Variants in LAMA1 observed in about 807,000 individuals in gnomAD.
LAMA1 encodes the protein laminin subunit alpha 1, also known as laminin subunit alpha-1.
In LAMA1, 219 loss-of-function variants were observed where a neutral mutation model predicts 348.7. The ratio of observed to expected loss-of-function variants is 0.63; its 90% CI spans 0.56 to 0.70. The LOEUF (loss-of-function observed/expected upper bound fraction) is 0.70, where lower values mean the gene tolerates loss of function less well. LAMA1 is among the 30% of genes least tolerant of loss of function. The pLI is 0.00. For missense variants in LAMA1, 3,744 were observed against 3,888.0 expected, an observed-to-expected ratio of 0.96 and a Z score of 0.99; for synonymous variants, 1,487 against 1,491.0, an observed-to-expected ratio of 1.00 and a Z score of 0.06.
At chr18:7,004,644 G>A (rs554291376) in intron 29 of LAMA1, among the ~76,000 whole-genome samples, 3 of 152,140 alleles carry the variant, frequency 2.0e-5, no homozygotes, top group Admixed American at 6.5e-5. Flanking sequence ...GAGCCACTGC[G>A]CCCGGCCCCA....
chr18:7,117,610 G>A (rs1185709647), intron 1 of LAMA1, 50 bp downstream of exon 1: 2 of 1,564,376 alleles, frequency 1.3e-6, no homozygotes, highest in Non-Finnish European at 1.7e-6. Context: ...GGCCGCCCCC[G>A]CCCGCCCGCC....
intron 50 of LAMA1, among the ~76,000 whole-genome samples, 176 bp downstream of exon 50, chr18:6,965,112 C>T (rs2057626601): frequency 1.3e-5 from 2 of 152,176 alleles, no homozygotes; most frequent in African/African-American, 4.8e-5. Context: ...AAGTATAACC[C>T]TCCTCCAGCA....
intron 29 of LAMA1, among the ~76,000 whole-genome samples, chr18:7,004,016 T>C (rs553187859): frequency 6.6e-6 from 1 of 152,270 alleles, no homozygotes; most frequent in African/African-American, 2.4e-5. Flanking sequence ...GAATAAATAT[T>C]AGATGATGAG....
At position 6,974,455 on chromosome 18, in the gene LAMA1, C is replaced by CTT. The variant is rs1213269695; in HGVS notation, c.6623+446_6623+447dup. On this transcript the variant is annotated intron_variant, in intron 46 of 62. Coordinates refer to ENST00000389658, the MANE Select transcript of LAMA1 (RefSeq NM_005559.4). ...CTTGTAACAAATGCTTATTTCTTTTCTTTTTTTTTTTTTTTTTTGAGATGG... is the reference window on the plus strand; with the variant it reads ...CTTGTAACAAATGCTTATTTCTTTTCTTTTTTTTTTTTTTTTTTTTGAGATGG... Among the ~76,000 whole-genome samples, 60 of 128,276 alleles carry CTT rather than the reference C, an allele frequency of 4.7e-4. 1 individual carries two copies. Among genetic ancestry groups the CTT allele is most frequent in the African/African-American group, 1.4e-3 (48 of 34,156 alleles). 84.2% of individuals were successfully genotyped at this position (128,276 alleles called of 152,430 possible).
At chr18:7,061,416 C>G (rs1323386343) in intron 3 of LAMA1, among the ~76,000 whole-genome samples, 1 of 152,188 alleles carries the variant, frequency 6.6e-6, no homozygotes, top group African/African-American at 2.4e-5. Context: ...ATCCACATGA[C>G]AGCCAAGTGC....
chr18:6,972,057 C>T (rs1366673020), intron 47 of LAMA1, 76 bp from the exon 48 acceptor site: 31 of 1,573,398 alleles, frequency 2.0e-5, no homozygotes, highest in Admixed American at 6.7e-5. Context: ...GTGCACAAAA[C>T]TTCTCTCTGG....
chr18:7,037,722 G>A lies in LAMA1; in HGVS notation c.1593C>T (p.Thr531=), dbSNP rs904222721. Residue 531 remains threonine, a synonymous_variant, in exon 12 of 63, where the codon ACC becomes ACT. Transcript: ENST00000389658. ...GGATCTTCCTGGGACTGATCAAGTC[G>A]GTGACCAGCCACCCGGACATACTGT... is the stretch of plus-strand genomic sequence containing the variant. ...QVNSMSGWLV[T]DLISPRKIPS... The A allele has an allele frequency of 1.2e-6, 2 of 1,614,098 alleles. No individual in the cohort carries two copies. Among genetic ancestry groups the A allele is most frequent in the Non-Finnish European group, 1.7e-6 (2 of 1,180,026 alleles).
At position 6,948,564 on chromosome 18, in the gene LAMA1, A is replaced by G. The variant is rs993124186; in HGVS notation, c.8557-8T>C. On this transcript the variant is annotated splice_polypyrimidine_tract_variant and splice_region_variant and intron_variant, in intron 59 of 62. Coordinates refer to ENST00000389658, the MANE Select transcript of LAMA1 (RefSeq NM_005559.4). ...AGGGATGCTGTGGGTGATCTAAGCC[A>G]AATGACATGCAAGAGTAGACAGTGG... The G allele has an allele frequency of 6.2e-7, 1 of 1,614,240 alleles. No homozygotes were observed. The highest frequency in any genetic ancestry group is 8.5e-7 in the Non-Finnish European group (1 of 1,180,048).
At chr18:7,082,089 T>A (rs144856335) in intron 1 of LAMA1, among the ~76,000 whole-genome samples, 1 of 152,098 alleles carries the variant, frequency 6.6e-6, no homozygotes, top group South Asian at 2.1e-4. Flanking sequence ...TTACCATGCA[T>A]CTATTAAAAA....
intron 1 of LAMA1, among the ~76,000 whole-genome samples, chr18:7,097,339 C>A (rs1280907961): frequency 6.6e-6 from 1 of 151,598 alleles, no homozygotes; most frequent in East Asian, 1.9e-4. Context: ...ATGTTATTCA[C>A]AGAAAACCTA....
intron 60 of LAMA1, among the ~76,000 whole-genome samples, chr18:6,947,630 C>T (rs1362015658): frequency 6.6e-6 from 1 of 152,142 alleles, no homozygotes; most frequent in African/African-American, 2.4e-5. Flanking sequence ...GGATTTGATC[C>T]CTGGAATCCC....
In LAMA1 at chr18:6,966,290, T is replaced by C; in HGVS notation, c.6907A>G (p.Asn2303Asp). 6.2e-7 allele frequency: 1 copy of C among 1,613,604 alleles called. No individual in the cohort carries two copies. The highest frequency in any genetic ancestry group is 8.5e-7 in the Non-Finnish European group (1 of 1,179,846). The change falls in exon 49 of 63, where the codon AAT (asparagine) becomes GAT (aspartate). Residue 2303 changes from asparagine (N) to aspartate (D), a missense_variant. Asn to Asp is a conservative substitution (Grantham distance 23). Transcript: ENST00000389658. The stretch of plus-strand genomic sequence containing the variant: ...TCAAAATGGAAGGAAGGGTCTTCAT[T>C]CTGGGAGCTGCAAAGCAGAAGAGAT... ...KCRGCFGSSQ[N>D]EDPSFHFDGS... is the part of the protein sequence containing the mutation.
intron 41 of LAMA1, 38 bp from the exon 42 acceptor site, chr18:6,980,675 C>T (rs749491644): frequency 9.2e-6 from 13 of 1,416,042 alleles, no homozygotes; most frequent in Non-Finnish European, 1.2e-5. Context: ...TTCAGGTTAG[C>T]CTACAAAAAA....
intron 3 of LAMA1, among the ~76,000 whole-genome samples, chr18:7,068,242 G>T (rs2058131290): frequency 6.6e-6 from 1 of 152,204 alleles, no homozygotes; most frequent in African/African-American, 2.4e-5. Context: ...CTCAGCAGAA[G>T]CCTATTTTTC....
chr18:7,036,790 A>G (rs1425401105), intron 12 of LAMA1, among the ~76,000 whole-genome samples: 1 of 152,248 alleles, frequency 6.6e-6, no homozygotes, highest in Non-Finnish European at 1.5e-5. Flanking sequence ...AATATCATCA[A>G]ATTAAATAGA....
In LAMA1 at chr18:6,947,225, C is replaced by T. The variant is rs779404535; in HGVS notation, c.8782G>A (p.Val2928Ile). Reference protein sequence around the residue: ...LEFRTSSQNGVLLGISTAKVD... With the variant: ...LEFRTSSQNGILLGISTAKVD... ...TTGGCAGTGCTGATCCCCAGGAGGACGCCATTCTGCGAGGAGGTTCGAAAC... is the reference window on the plus strand; with the variant it reads ...TTGGCAGTGCTGATCCCCAGGAGGATGCCATTCTGCGAGGAGGTTCGAAAC... The change falls in exon 61 of 63, where the codon GTC becomes ATC. Residue 2928 changes from valine to isoleucine, a missense_variant. Physicochemically the swap from Val to Ile is conservative, Grantham distance 29. Around this residue, in one of 3 missense-constraint regions of LAMA1, gnomAD observed 232 missense variants for 264.4 expected, o/e 0.88. Transcript: ENST00000389658. 9 of 1,614,028 alleles carry T rather than the reference C, an allele frequency of 5.6e-6. No homozygotes were observed. The highest frequency in any genetic ancestry group is 3.3e-5 in the Admixed American group (2 of 60,002).
rs1289238948 is a variant in LAMA1 at position 7,002,293 on chromosome 18, C to A, written c.4353G>T (p.Leu1451=). The A allele has an allele frequency of 4.3e-6, 7 of 1,613,134 alleles. No homozygotes were observed. Among genetic ancestry groups the A allele is most frequent in the Non-Finnish European group, 5.9e-6 (7 of 1,179,976 alleles). ...KVTGSASDCA[L]CACPHSPPAS... Reference sequence around the variant, plus strand: ...CAGGAGGGCTGTGAGGACAGGCACACAGAGCACAGTCACTTGCTGAGCCAG... The same window carrying A: ...CAGGAGGGCTGTGAGGACAGGCACAAAGAGCACAGTCACTTGCTGAGCCAG... Residue 1451 remains leucine, a synonymous_variant, in exon 30 of 63, where the codon CTG becomes CTT. Transcript: ENST00000389658.
chr18:6,958,775 G>A, intron 54 of LAMA1, 113 bp from the exon 55 acceptor site: 1 of 913,094 alleles, frequency 1.1e-6, no homozygotes, highest in Non-Finnish European at 1.7e-6. Flanking sequence ...GTTCCCTAAA[G>A]GTTCATTTTA....
intron 25 of LAMA1, 124 bp from the exon 26 acceptor site, chr18:7,010,509 T>G (rs1330425790): frequency 1.1e-5 from 10 of 931,472 alleles, no homozygotes; most frequent in African/African-American, 3.3e-5. Context: ...TGGGTGAAAT[T>G]TGTTGTCTGG....
Sources: allele counts gnomAD v4.1 joint callset (sites outside exome capture counted in the v4.1 genomes callset), GRCh38; gene constraint gnomAD v4.1.1; regional missense constraint gnomAD v4.1.1; transcripts MANE v1.5; gene names NCBI Gene and HGNC (gene_info 2026-07-23, HGNC 2026-07-21).